Variants in CXCL12 observed in about 807,000 individuals in gnomAD.
The protein encoded by CXCL12 is stromal cell-derived factor 1.
CXCL12 carries 4 observed loss-of-function variants against 10.7 expected under a neutral mutation model. That is an observed-to-expected ratio of 0.37 (90% CI 0.18 to 0.86). CXCL12 has a LOEUF of 0.86. Ranked by LOEUF, CXCL12 falls within the 40% of genes least tolerant of loss-of-function variation. CXCL12 has a pLI of 0.43. For missense variants in CXCL12, 122 were observed against 110.4 expected (o/e 1.10, Z -0.47); for synonymous variants, 54 against 45.4 (o/e 1.19, Z -0.77).
chr10:44,379,815 G>C (rs529235605), intron 2 of CXCL12, among the ~76,000 whole-genome samples: 12 of 152,258 alleles, frequency 7.9e-5, no homozygotes, highest in Admixed American at 2.6e-4. Context: ...TCATGTTGTA[G>C]GCAAAGTACA....
In CXCL12 at chr10:44,378,441, C is replaced by T. The variant is rs1311568717; in HGVS notation, c.*192G>A. ...ATGAATATAAGCTGCAATATCATACCGTATGCTATAAATGCAGGGTCTAAA... is the reference window on the plus strand; with the variant it reads ...ATGAATATAAGCTGCAATATCATACTGTATGCTATAAATGCAGGGTCTAAA... On this transcript the variant is annotated 3_prime_UTR_variant, in exon 3 of 3. Coordinates refer to ENST00000343575, the MANE Select transcript of CXCL12 (RefSeq NM_199168.4). 25 of 1,542,700 alleles carry T rather than the reference C, an allele frequency of 1.6e-5. No individual in the cohort carries two copies. The highest frequency in any genetic ancestry group is 1.1e-4 in the South Asian group (9 of 85,274).
chr10:44,383,740 C>T (rs1241053210), intron 1 of CXCL12, among the ~76,000 whole-genome samples: 1 of 151,946 alleles, frequency 6.6e-6, no homozygotes, highest in Non-Finnish European at 1.5e-5. Flanking sequence ...TGCCCAGCTT[C>T]TCCAGCCCGA....
At chr10:44,383,888 T>G (rs1044159405) in intron 1 of CXCL12, among the ~76,000 whole-genome samples, 2 of 151,988 alleles carry the variant, frequency 1.3e-5, no homozygotes, top group Admixed American at 1.3e-4. Context: ...GCACTCAGAG[T>G]GTCCTTCAAC....
chr10:44,377,904 G>T lies in CXCL12; in HGVS notation c.*729C>A. ...TTCCCGGCTGGTGCGGCGCTGATCA[G>T]GCTACAGAAATGAGAAGCAGAAGCA... On this transcript the variant is annotated 3_prime_UTR_variant, in exon 3 of 3. Transcript: ENST00000343575. The T allele has an allele frequency of 6.4e-7, 1 of 1,559,756 alleles. No individual in the cohort carries two copies. The highest frequency in any genetic ancestry group is 8.6e-7 in the Non-Finnish European group (1 of 1,161,468).
chr10:44,373,351 C>G (rs1230833522), downstream of CXCL12: 2 of 1,606,138 alleles, frequency 1.2e-6, no homozygotes, highest in Admixed American at 3.4e-5. Flanking sequence ...CTCCTGTTGA[C>G]AAGAACAGAG....
chr10:44,372,511 G>T, downstream of CXCL12: 1 of 562,068 alleles, frequency 1.8e-6, no homozygotes, highest in Non-Finnish European at 2.4e-6. Context: ...CATAGGATTG[G>T]ACAATGGACA....
Position 44,385,022 on chromosome 10 carries a change from C to T in CXCL12, c.-17G>A, listed in dbSNP as rs1389990362. On this transcript the variant is annotated 5_prime_UTR_variant, in exon 1 of 3. Coordinates refer to ENST00000343575, the MANE Select transcript of CXCL12 (RefSeq NM_199168.4). The stretch of plus-strand genomic sequence containing the variant: ...GGCGTTCATGGCGCGGGCGGGCGGG[C>T]GGGCGGGCGGACGAGCGCGGGTCGG... 4.3e-5 allele frequency: 4 copies of T among 93,552 alleles called. No individual in the cohort carries two copies. Among genetic ancestry groups the T allele is most frequent in the Admixed American group, 2.5e-4 (1 of 4,028 alleles). 5.8% of individuals were successfully genotyped at this position (93,552 alleles called of 1,614,324 possible).
chr10:44,374,848 G>C (rs1049030970), downstream of CXCL12: 2 of 371,124 alleles, frequency 5.4e-6, no homozygotes, highest in African/African-American at 4.2e-5. Context: ...GAAATTCAAC[G>C]CATCCTTTTT....
chr10:44,373,191 T>A (rs17883369), downstream of CXCL12: 14 of 1,540,792 alleles, frequency 9.1e-6, no homozygotes, highest in East Asian at 4.9e-5. Context: ...GGTGAAAATA[T>A]GGCAAAGTGT....
At chr10:44,373,424 G>A (rs898800451), downstream of CXCL12, 6 of 1,278,162 alleles carry the variant, frequency 4.7e-6, no homozygotes, top group Non-Finnish European at 6.7e-6. Context: ...AGCGGCCTGC[G>A]CGGAGGCCCT....
chr10:44,383,773 A>C (rs1839710666), intron 1 of CXCL12, among the ~76,000 whole-genome samples: 1 of 152,116 alleles, frequency 6.6e-6, no homozygotes, highest in Non-Finnish European at 1.5e-5. Context: ...GGTCCTGCTC[A>C]CACCAGCGCA....
chr10:44,379,949 T>C lies in CXCL12; in HGVS notation c.179+814A>G, dbSNP rs1839575806. Among the ~76,000 whole-genome samples the C allele has an allele frequency of 2.0e-5, 3 of 152,346 alleles. No homozygotes were observed. The South Asian group carries it at 6.2e-4, about 32-fold the overall frequency. The stretch of plus-strand genomic sequence containing the variant: ...AAATCAAAAGTAAAAACATTTGGTG[T>C]TGGGTGGAAAAGTCTTGGGAAAGTT... On this transcript the variant is annotated intron_variant, in intron 2 of 2. Coordinates refer to ENST00000343575, the MANE Select transcript of CXCL12 (RefSeq NM_199168.4).
intron 1 of CXCL12, among the ~76,000 whole-genome samples, chr10:44,383,248 C>T (rs1434826280): frequency 2.6e-5 from 4 of 152,204 alleles, no homozygotes; most frequent in African/African-American, 9.6e-5. Context: ...ACAAAACATT[C>T]TGGCGATGTG....
chr10:44,371,996 A>G (rs1012794321), downstream of CXCL12: 6 of 152,280 alleles, frequency 3.9e-5, no homozygotes, highest in African/African-American at 1.4e-4. Context: ...TCTTAGAGAA[A>G]TGTCCTGTGG....
intron 2 of CXCL12, among the ~76,000 whole-genome samples, chr10:44,379,403 T>A (rs1411173284): frequency 6.6e-6 from 1 of 152,202 alleles, no homozygotes; most frequent in Admixed American, 6.5e-5. Context: ...CTTCCCTACA[T>A]GCAAACTCCT....
downstream of CXCL12, chr10:44,371,738 T>C (rs1229775439): frequency 6.6e-6 from 1 of 152,372 alleles, no homozygotes; most frequent in Admixed American, 6.5e-5. Flanking sequence ...TGTTACATAG[T>C]TTCCTTGCTT....
Position 44,385,000 on chromosome 10 carries a change from G to A in CXCL12, c.6C>T (p.Asn2=). 5 of 752,230 alleles carry A rather than the reference G, an allele frequency of 6.6e-6. No homozygotes were observed. Among genetic ancestry groups the A allele is most frequent in the East Asian group, 1.1e-4 (1 of 9,278 alleles). The allele number at this position is 752,230 out of a possible 1,614,324, so 46.6% of individuals were successfully genotyped here. A position where few individuals can be genotyped will look rare whatever the true frequency, so the allele number is the denominator to read the frequency against. The part of the protein sequence containing the change: M[N]AKVVVVLVLV... ...GGACCAGCACGACCACGACCTTGGC[G>A]TTCATGGCGCGGGCGGGCGGGCGGG... Residue 2 remains asparagine, a synonymous_variant, in exon 1 of 3, where the codon AAC becomes AAT. Coordinates refer to ENST00000343575, the MANE Select transcript of CXCL12 (RefSeq NM_199168.4).
Position 44,377,953 on chromosome 10 carries a change from G to C in CXCL12, c.*680C>G, listed in dbSNP as rs139054725. On this transcript the variant is annotated 3_prime_UTR_variant, in exon 3 of 3. Transcript: ENST00000343575. ...CAAGATTAAGCATGCTCTCGGAGTCGGGGAGAGAGTAGGAATAGCTGGGAG... is the reference window on the plus strand; with the variant it reads ...CAAGATTAAGCATGCTCTCGGAGTCCGGGAGAGAGTAGGAATAGCTGGGAG... 2.0e-6 allele frequency: 3 copies of C among 1,529,008 alleles called. No homozygotes were observed. The highest frequency in any genetic ancestry group is 1.2e-5 in the South Asian group (1 of 82,848). 94.7% of individuals were successfully genotyped at this position (1,529,008 alleles called of 1,614,324 possible).
At chr10:44,380,300 T>C (rs1041773608) in intron 2 of CXCL12, 3 of 160,210 alleles carry the variant, frequency 1.9e-5, no homozygotes, top group African/African-American at 7.2e-5. Context: ...TACAGGCAAG[T>C]GAGCTGAAAA....
Sources: gnomAD v4.1 joint callset for allele counts (sites outside exome capture counted in the v4.1 genomes callset) on GRCh38, gnomAD v4.1.1 for gene constraint, MANE v1.5 for transcripts, NCBI Gene and HGNC (gene_info 2026-07-23, HGNC 2026-07-21) for gene names.